The following HIF1A variants were observed in gnomAD, a reference collection of about 807,000 sequenced individuals.
HIF1A encodes the protein hypoxia-inducible factor 1-alpha.
Under a neutral mutation model 92.7 loss-of-function variants are expected in HIF1A, and 24 were observed. The ratio of observed to expected loss-of-function variants is 0.26; its 90% CI spans 0.19 to 0.36. HIF1A has a LOEUF of 0.36. Ranked by LOEUF, HIF1A falls within the 10% of genes least tolerant of loss-of-function variation. HIF1A has a pLI of 1.00. For synonymous variants in HIF1A, 319 were observed against 338.7 expected (o/e 0.94, Z 0.64); for missense variants, 799 against 998.5 (o/e 0.80, Z 2.69).
chr14:61,695,649 C>T lies in HIF1A; in HGVS notation c.-156C>T. Reference sequence around the variant, plus strand: ...GGCCCGGACCCCGGCGATTGCCGCCCGCTTCTCTCTAGTCTCACGAGGGGT... The same window carrying T: ...GGCCCGGACCCCGGCGATTGCCGCCTGCTTCTCTCTAGTCTCACGAGGGGT... On this transcript the variant is annotated 5_prime_UTR_variant, in exon 1 of 15. Transcript: ENST00000337138. The T allele has an allele frequency of 2.6e-6, 2 of 776,078 alleles. No individual in the cohort carries two copies. Among genetic ancestry groups the T allele is most frequent in the Non-Finnish European group, 4.1e-6 (2 of 492,898 alleles). The allele number at this position is 776,078 out of a possible 1,614,324, so 48.1% of individuals were successfully genotyped here.
At chr14:61,712,302 A>G (rs1362520905) in intron 1 of HIF1A, among the ~76,000 whole-genome samples, 1 of 152,010 alleles carries the variant, frequency 6.6e-6, no homozygotes, top group African/African-American at 2.4e-5. Context: ...TAAGAACAGT[A>G]AGGAGGCTAG....
At chr14:61,709,668 G>A (rs988269375) in intron 1 of HIF1A, among the ~76,000 whole-genome samples, 10 of 152,026 alleles carry the variant, frequency 6.6e-5, no homozygotes, top group Admixed American at 2.0e-4. Context: ...ATAAGTGTAT[G>A]CATTCTGAAC....
At chr14:61,744,859 T>TTG (rs367860752) in intron 13 of HIF1A, 46 bp downstream of exon 13, 99 of 755,758 alleles carry the variant, frequency 1.3e-4, no homozygotes, top group Admixed American at 1.8e-4. Context: ...ATGTGCTATT[T>TTG]CGTGTGTGTG....
intron 4 of HIF1A, among the ~76,000 whole-genome samples, chr14:61,722,850 A>G (rs1456637052): frequency 6.6e-6 from 1 of 152,252 alleles, no homozygotes; most frequent in Non-Finnish European, 1.5e-5. Flanking sequence ...ATTTTTTGGA[A>G]ACTACCTCTT....
At chr14:61,705,145 TC>T (rs1180085677) in intron 1 of HIF1A, among the ~76,000 whole-genome samples, 2 of 152,110 alleles carry the variant, frequency 1.3e-5, no homozygotes, top group East Asian at 3.8e-4. Flanking sequence ...AAAATAATCC[TC>T]TGAATTTTTG....
At chr14:61,700,512 A>G (rs1271268914) in intron 1 of HIF1A, among the ~76,000 whole-genome samples, 3 of 152,152 alleles carry the variant, frequency 2.0e-5, no homozygotes, top group African/African-American at 4.8e-5. Flanking sequence ...GCAATATTCC[A>G]TTATATGTTC....
At chr14:61,729,200 G>A (rs2044543817) in intron 6 of HIF1A, among the ~76,000 whole-genome samples, 1 of 152,144 alleles carries the variant, frequency 6.6e-6, no homozygotes, top group African/African-American at 2.4e-5. Context: ...GGTGGCTCAT[G>A]CCTATAATCC....
At position 61,725,794 on chromosome 14, in the gene HIF1A, G is replaced by A. The variant is rs147154952; in HGVS notation, c.458-912G>A. 5.9e-5 allele frequency among the ~76,000 whole-genome samples: 9 copies of A among 151,646 alleles called. No homozygotes were observed. The East Asian group carries it at 1.8e-3, about 30-fold the overall frequency. Reference sequence around the variant, plus strand: ...AGAAGGTTTGAAATTGGAGTGAATAGACTTTACTTAATTCTGACTTTATTT... The same window carrying A: ...AGAAGGTTTGAAATTGGAGTGAATAAACTTTACTTAATTCTGACTTTATTT... On this transcript the variant is annotated intron_variant, in intron 4 of 14. Coordinates refer to ENST00000337138, the MANE Select transcript of HIF1A (RefSeq NM_001530.4).
chr14:61,745,453 G>T (rs1036631933), intron 13 of HIF1A: 2 of 492,670 alleles, frequency 4.1e-6, no homozygotes, highest in Non-Finnish European at 7.3e-6. Context: ...ATGTTTTGGG[G>T]TAAGTCAATG....
chr14:61,721,931 A>C (rs2044435634), intron 4 of HIF1A, 108 bp downstream of exon 4: 6 of 696,882 alleles, frequency 8.6e-6, no homozygotes, highest in Non-Finnish European at 1.5e-5. Flanking sequence ...GCAAAATGTT[A>C]TTTCATGTTT....
rs150016527 is a variant in HIF1A, at chr14:61,741,070, T to C, written c.1975T>C (p.Tyr659His). 9.9e-6 allele frequency: 16 copies of C among 1,613,768 alleles called. No homozygotes were observed. The highest frequency in any genetic ancestry group is 3.3e-5 in the Admixed American group (2 of 60,000). The change falls in exon 12 of 15, where the codon TAT becomes CAT. Residue 659 changes from tyrosine to histidine, a missense_variant. Around this residue, in one of 2 missense-constraint regions of HIF1A, gnomAD observed 283 missense variants for 277.5 expected, o/e 1.02. Transcript: ENST00000337138. ...KETTSATSSP[Y>H]RDTQSRTASP... is the part of the protein sequence containing the mutation. ...AACTACTAGTGCCACATCATCACCA[T>C]ATAGAGATACTCAAAGTCGGACAGC...
chr14:61,695,879 G>A (rs1267031257), intron 1 of HIF1A, 40 bp downstream of exon 1: 5 of 1,546,176 alleles, frequency 3.2e-6, no homozygotes, highest in African/African-American at 1.4e-5. Flanking sequence ...CTCCCCCGGC[G>A]ACCCCGCCCG....
In HIF1A at chr14:61,723,484, TTCTG is replaced by T. The variant is rs370102583; in HGVS notation, c.457+1665_457+1668del. 5.9e-3 allele frequency among the ~76,000 whole-genome samples: 905 copies of T among 152,360 alleles called. 13 individuals are homozygous for T. Among genetic ancestry groups the T allele is most frequent in the African/African-American group, 0.02 (844 of 41,584 alleles). Reference sequence around the variant, plus strand: ...CTTTTCATATTCTTGAATTCTCACATTCTGTCTTTTTTCACTCTGTCAGCAGGAC... The same window carrying T: ...CTTTTCATATTCTTGAATTCTCACATTCTTTTTTCACTCTGTCAGCAGGAC... On this transcript the variant is annotated intron_variant, in intron 4 of 14. Transcript: ENST00000337138.
chr14:61,724,349 T>TTCTCTC (rs147642291), intron 4 of HIF1A, among the ~76,000 whole-genome samples: 3,064 of 96,058 alleles, frequency 0.032, 141 homozygotes, highest in African/African-American at 0.053. Context: ...CACACACACA[T>TTCTCTC]TCTCTCTCTC....
chr14:61,723,591 T>G (rs2044460308), intron 4 of HIF1A, among the ~76,000 whole-genome samples: 1 of 152,294 alleles, frequency 6.6e-6, no homozygotes, highest in East Asian at 1.9e-4. Flanking sequence ...TAGAATTCTG[T>G]ATAAAGGAGG....
intron 14 of HIF1A, among the ~76,000 whole-genome samples, chr14:61,746,664 C>T (rs2044796732): frequency 6.6e-6 from 1 of 152,092 alleles, no homozygotes; most frequent in Admixed American, 6.5e-5. Context: ...GCTAGGATTA[C>T]AGGCATCAGC....
chr14:61,733,990 C>G (rs2140149187), intron 7 of HIF1A, 148 bp from the exon 8 acceptor site: 1 of 507,002 alleles, frequency 2.0e-6, no homozygotes, highest in East Asian at 3.4e-5. Context: ...CTGGGACGCA[C>G]TGTCAGAATG....
At chr14:61,708,317 A>T (rs989937978) in intron 1 of HIF1A, among the ~76,000 whole-genome samples, 1 of 152,038 alleles carries the variant, frequency 6.6e-6, no homozygotes, top group Non-Finnish European at 1.5e-5. Context: ...ATTAGATCCT[A>T]TTTGTCAATT....
rs771720948 is a variant in HIF1A, at chr14:61,732,455, T to C, written c.811T>C (p.Leu271=). Residue 271 remains leucine, a synonymous_variant, in exon 7 of 15, where the codon TTA becomes CTA. Coordinates refer to ENST00000337138, the MANE Select transcript of HIF1A (RefSeq NM_001530.4). ...ELMGYEPEEL[L]GRSIYEYYHA... ...GATGGGATATGAGCCAGAAGAACTT[T>C]TAGGCCGCTCAATTTATGAATATTA... 13 of 1,612,052 alleles carry C rather than the reference T, an allele frequency of 8.1e-6. No homozygotes were observed. In the South Asian group the frequency reaches 1.3e-4, roughly 16 times the overall value.
Sources: gnomAD v4.1 joint callset for allele counts (sites outside exome capture counted in the v4.1 genomes callset) on GRCh38, gnomAD v4.1.1 for gene constraint, gnomAD v4.1.1 regional missense constraint, MANE v1.5 for transcripts, NCBI Gene and HGNC (gene_info 2026-07-23, HGNC 2026-07-21) for gene names.